The following ZW10 variants were observed in gnomAD, a reference collection of about 807,000 sequenced individuals.
ZW10 encodes the protein zw10 kinetochore protein.
A neutral mutation model predicts 87.8 loss-of-function variants in ZW10; 53 were observed. The observed-to-expected ratio is 0.60, with a 90% CI of 0.48 to 0.76. The LOEUF (loss-of-function observed/expected upper bound fraction) is 0.76. ZW10 is among the 30% of genes least tolerant of loss of function. The pLI, the probability that ZW10 is intolerant of heterozygous loss-of-function variation, is 0.00. For synonymous variants in ZW10, 312 were observed against 329.2 expected, an observed-to-expected ratio of 0.95 and a Z score of 0.57; for missense variants, 837 against 923.0, an observed-to-expected ratio of 0.91 and a Z score of 1.21.
At chr11:113,753,729 T>C (rs567114523) in intron 7 of ZW10, among the ~76,000 whole-genome samples, 2 of 152,312 alleles carry the variant, frequency 1.3e-5, no homozygotes, top group South Asian at 4.1e-4. Flanking sequence ...GTTTGAGTGG[T>C]CTGTGTAGAA....
intron 2 of ZW10, among the ~76,000 whole-genome samples, chr11:113,765,654 T>C (rs1953901384): frequency 6.6e-6 from 1 of 152,220 alleles, no homozygotes; most frequent in Non-Finnish European, 1.5e-5. Context: ...TGGGTCTGGA[T>C]TGAGGCCTGA....
At chr11:113,743,508 A>C (rs1953646067) in intron 10 of ZW10, among the ~76,000 whole-genome samples, 1 of 152,252 alleles carries the variant, frequency 6.6e-6, no homozygotes, top group East Asian at 1.9e-4. Context: ...ACTTTTTGTT[A>C]AAAAGTGATT....
intron 1 of ZW10, chr11:113,769,611 T>C: frequency 4.1e-6 from 1 of 245,772 alleles, no homozygotes; most frequent in East Asian, 1.7e-4. Flanking sequence ...GGTCCTTCTC[T>C]GGGGTGGTCG....
chr11:113,740,188 A>G (rs1471338873), intron 11 of ZW10, among the ~76,000 whole-genome samples: 1 of 140,050 alleles, frequency 7.1e-6, no homozygotes, highest in Non-Finnish European at 1.6e-5. Context: ...TGGGGCTTAA[A>G]AAAAAAGAAA....
At chr11:113,740,798 G>A (rs1953607143) in intron 11 of ZW10, among the ~76,000 whole-genome samples, 3 of 152,284 alleles carry the variant, frequency 2.0e-5, no homozygotes, top group Middle Eastern at 3.4e-3. Flanking sequence ...AGCAATCTGT[G>A]TTTTAACAAG....
chr11:113,741,848 G>T, intron 10 of ZW10, 83 bp from the exon 11 acceptor site: 1 of 891,672 alleles, frequency 1.1e-6, no homozygotes, highest in Non-Finnish European at 1.8e-6. Context: ...TGCATCTTCA[G>T]TGAGAGTCAT....
Position 113,738,401 on chromosome 11 carries a change from T to C in ZW10, c.1754-7A>G. 1 of 1,604,632 alleles carries C rather than the reference T, an allele frequency of 6.2e-7. No homozygotes were observed. The highest frequency in any genetic ancestry group is 8.5e-7 in the Non-Finnish European group (1 of 1,177,650). The stretch of plus-strand genomic sequence containing the variant: ...GCCAAAAAGCATTCTGTCCCTATGA[T>C]GGAAAAACAGAATAAAAAATTTTAA... On this transcript the variant is annotated splice_polypyrimidine_tract_variant and splice_region_variant and intron_variant, in intron 12 of 15. Coordinates refer to ENST00000200135, the MANE Select transcript of ZW10 (RefSeq NM_004724.4).
At chr11:113,757,949 G>T in intron 6 of ZW10, 96 bp from the exon 7 acceptor site, 1 of 1,020,044 alleles carries the variant, frequency 9.8e-7, no homozygotes, top group Non-Finnish European at 1.3e-6. Context: ...ACTTTGGGAG[G>T]CCGAGGCAGG....
chr11:113,773,576 C>G lies in ZW10; in HGVS notation c.91G>C (p.Val31Leu). 1.2e-6 allele frequency: 2 copies of G among 1,613,566 alleles called. No homozygotes were observed. Among genetic ancestry groups the G allele is most frequent in the Non-Finnish European group, 1.7e-6 (2 of 1,179,972 alleles). ...GTRISRLTRR[V>L]EEIKGEVCNM... ...CCCGCTCTCACCTTGATCTCCTCCACCCGCCGGGTCAGGCGGCTGATCCGG... is the reference window on the plus strand; with the variant it reads ...CCCGCTCTCACCTTGATCTCCTCCAGCCGCCGGGTCAGGCGGCTGATCCGG... Residue 31 changes from valine (V) to leucine (L), a missense_variant, in exon 1 of 16, where the codon GTG becomes CTG. Coordinates refer to ENST00000200135, the MANE Select transcript of ZW10 (RefSeq NM_004724.4).
chr11:113,739,552 T>C (rs188039059), intron 11 of ZW10, among the ~76,000 whole-genome samples, 170 bp from the exon 12 acceptor site: 1 of 152,372 alleles, frequency 6.6e-6, no homozygotes, highest in East Asian at 1.9e-4. Context: ...AGAGGGAGGC[T>C]GTTCTGCCTG....
At chr11:113,738,933 T>TC (rs140484576) in intron 12 of ZW10, among the ~76,000 whole-genome samples, 11,583 of 152,226 alleles carry the variant, frequency 0.076, 592 homozygotes, top group Non-Finnish European at 0.11. Context: ...ATTATGTGAA[T>TC]CCTGACCTGG....
intron 2 of ZW10, among the ~76,000 whole-genome samples, chr11:113,761,576 C>T (rs113238477): frequency 0.078 from 11,835 of 152,190 alleles, 565 homozygotes; most frequent in African/African-American, 0.13. Flanking sequence ...CCATGGCACC[C>T]TGTCAGAAAG....
At chr11:113,751,155 A>G (rs564189520) in intron 7 of ZW10, 2 of 228,748 alleles carry the variant, frequency 8.7e-6, no homozygotes, top group Admixed American at 3.9e-5. Flanking sequence ...TCGCATACTG[A>G]CGGAGACACT....
rs745647090 is a variant in ZW10 at position 113,760,376 on chromosome 11, C to T, written c.421-8G>A. 22 of 1,613,190 alleles carry T rather than the reference C, an allele frequency of 1.4e-5. No individual in the cohort carries two copies. Among genetic ancestry groups the T allele is most frequent in the Middle Eastern group, 1.6e-4 (1 of 6,082 alleles). ...CTTCAAGCATTTCTGTGCCTGGTAA[C>T]GAAATGGAATCACTGTTAAACATTC... On this transcript the variant is annotated splice_region_variant and splice_polypyrimidine_tract_variant and intron_variant, in intron 4 of 15. Coordinates refer to ENST00000200135, the MANE Select transcript of ZW10 (RefSeq NM_004724.4).
At chr11:113,761,005 G>T in intron 2 of ZW10, 87 bp from the exon 3 acceptor site, 1 of 947,454 alleles carries the variant, frequency 1.1e-6, no homozygotes, top group Non-Finnish European at 1.6e-6. Context: ...AGCTTTACTA[G>T]GTCAACATAA....
intron 7 of ZW10, among the ~76,000 whole-genome samples, chr11:113,750,064 A>G (rs1270398214): frequency 6.6e-6 from 1 of 152,228 alleles, no homozygotes; most frequent in Non-Finnish European, 1.5e-5. Context: ...TACTCATTTT[A>G]ATTATGATAT....
intron 11 of ZW10, among the ~76,000 whole-genome samples, chr11:113,739,706 T>C (rs1262915826): frequency 6.6e-6 from 1 of 152,218 alleles, no homozygotes. Context: ...TTTACACGGA[T>C]ACATCTATGG....
chr11:113,757,473 A>C (rs1291945227), intron 7 of ZW10, among the ~76,000 whole-genome samples, 189 bp downstream of exon 7: 1 of 152,210 alleles, frequency 6.6e-6, no homozygotes, highest in African/African-American at 2.4e-5. Flanking sequence ...TTGTCAATAC[A>C]ATGCAGAGAA....
rs777431952 is a variant in ZW10, at chr11:113,739,257, C to T, written c.1709G>A (p.Gly570Asp). ...TACAAGATCCACAAAAGTAGCAGTG[C>T]CATCACAAAGAATGGGGGCAAGACG... Reference protein sequence around the residue: ...RLRLAPILCDGTATFVDLVPG... With the variant: ...RLRLAPILCDDTATFVDLVPG... Residue 570 changes from glycine to aspartate, a missense_variant, in exon 12 of 16, where the codon GGC becomes GAC. Transcript: ENST00000200135. 1 of 1,613,804 alleles carries T rather than the reference C, an allele frequency of 6.2e-7. No individual in the cohort carries two copies. Among genetic ancestry groups the T allele is most frequent in the Non-Finnish European group, 8.5e-7 (1 of 1,179,882 alleles).
Sources: allele counts gnomAD v4.1 joint callset (sites outside exome capture counted in the v4.1 genomes callset), GRCh38; gene constraint gnomAD v4.1.1; transcripts MANE v1.5; gene names NCBI Gene and HGNC (gene_info 2026-07-23, HGNC 2026-07-21).